CRYBG3: variants seen among roughly 807,000 people sequenced by gnomAD.
CRYBG3 encodes crystallin beta-gamma domain containing 3.
Under a neutral mutation model 244.2 loss-of-function variants are expected in CRYBG3, and 127 were observed. That is an observed-to-expected ratio of 0.52 (90% CI 0.45 to 0.60). The LOEUF is 0.60. Ranked by LOEUF, CRYBG3 falls within the 20% of genes least tolerant of loss-of-function variation. The pLI, the probability that CRYBG3 is intolerant of heterozygous loss-of-function variation, is 0.00. For synonymous variants in CRYBG3, 1,132 were observed against 1,195.8 expected, an observed-to-expected ratio of 0.95 and a Z score of 1.10; for missense variants, 3,325 against 3,442.5, an observed-to-expected ratio of 0.97 and a Z score of 0.85.
intron 2 of CRYBG3, among the ~76,000 whole-genome samples, chr3:97,860,076 C>G (rs1234660901): frequency 6.6e-6 from 1 of 152,100 alleles, no homozygotes; most frequent in Non-Finnish European, 1.5e-5. Flanking sequence ...AAAGGTTTCC[C>G]ATCTACTTAT....
In CRYBG3 at chr3:97,924,476, A is replaced by C. The variant is rs2040017769; in HGVS notation, c.8241+8740A>C. The C allele has an allele frequency of 2.5e-5, 11 of 431,458 alleles. 1 individual carries two copies. The highest frequency in any genetic ancestry group is 1.9e-4 in the South Asian group (11 of 59,326). 26.7% of individuals were successfully genotyped at this position (431,458 alleles called of 1,614,324 possible). ...CAAATTACTGTAAACTTAGTAGCTT[A>C]AGATGACAGATATTTACAGTCTTGC... is the stretch of plus-strand genomic sequence containing the variant. On this transcript the variant is annotated intron_variant, in intron 17 of 21. Transcript: ENST00000389622.
At chr3:97,883,861 G>A (rs12633781) in intron 7 of CRYBG3, among the ~76,000 whole-genome samples, 68,708 of 151,940 alleles carry the variant, frequency 0.45, 16,513 homozygotes, top group East Asian at 0.67. Context: ...TTTCCATGAC[G>A]GATTCACTTC....
At chr3:97,868,147 G>A (rs547920303) in intron 3 of CRYBG3, among the ~76,000 whole-genome samples, 3 of 152,146 alleles carry the variant, frequency 2.0e-5, no homozygotes, top group South Asian at 2.1e-4. Flanking sequence ...AGCCAGGCAC[G>A]GTGGTGGGTG....
At position 97,875,605 on chromosome 3, in the gene CRYBG3, A is replaced by G; in HGVS notation, c.4411A>G (p.Thr1471Ala). 8.1e-7 allele frequency: 1 copy of G among 1,235,390 alleles called. No homozygotes were observed. Among genetic ancestry groups the G allele is most frequent in the Non-Finnish European group, 1.0e-6 (1 of 990,464 alleles). The allele number at this position is 1,235,390 out of a possible 1,614,324, so 76.5% of individuals were successfully genotyped here. Residue 1471 changes from threonine to alanine, a missense_variant, in exon 4 of 22, where the codon ACT (threonine) becomes GCT (alanine). Coordinates refer to ENST00000389622, the MANE Select transcript of CRYBG3 (RefSeq NM_153605.4). ...CAAAACTGAGACAGAGGACAGAAGA[A>G]CTCTTGTATTAAATTTCAAATGGCC... is the stretch of plus-strand genomic sequence containing the variant. ...NNKTETEDRRTLVLNFKWPPL... is the reference protein window; with the variant it reads ...NNKTETEDRRALVLNFKWPPL...
At position 97,873,142 on chromosome 3, in the gene CRYBG3, C is replaced by G; in HGVS notation, c.1948C>G (p.Leu650Val). ...KTSLSLDCKK[L>V]NFSISPPTFV... ...ATCTCTTAGCCTTGACTGTAAAAAACTAAATTTCAGTATTTCACCTCCTAC... is the reference window on the plus strand; with the variant it reads ...ATCTCTTAGCCTTGACTGTAAAAAAGTAAATTTCAGTATTTCACCTCCTAC... Residue 650 changes from leucine to valine, a missense_variant, in exon 4 of 22, where the codon CTA becomes GTA. This residue lies in a region of CRYBG3 where 1,526 missense variants were observed against 1,443.2 expected (regional missense o/e 1.06). Transcript: ENST00000389622. The G allele has an allele frequency of 2.0e-6, 3 of 1,535,762 alleles. No individual in the cohort carries two copies. The highest frequency in any genetic ancestry group is 2.6e-6 in the Non-Finnish European group (3 of 1,146,696).
Position 97,874,437 on chromosome 3 carries a change from T to G in CRYBG3, c.3243T>G (p.Asn1081Lys). 6.5e-7 allele frequency: 1 copy of G among 1,535,244 alleles called. No individual in the cohort carries two copies. Among genetic ancestry groups the G allele is most frequent in the Non-Finnish European group, 8.7e-7 (1 of 1,146,608 alleles). The part of the protein sequence containing the change: ...SMIVNSHKPQ[N>K]NLDSIQVTKD... ...TAGTAAATTCACATAAGCCCCAAAA[T>G]AATTTGGATTCTATACAAGTTACCA... The change falls in exon 4 of 22, where the codon AAT becomes AAG. Residue 1081 changes from asparagine (N) to lysine (K), a missense_variant. Around this residue, in one of 4 missense-constraint regions of CRYBG3, gnomAD observed 1,526 missense variants for 1,443.2 expected, o/e 1.06. Transcript: ENST00000389622.
Position 97,893,135 on chromosome 3 carries a change from G to C in CRYBG3, c.7574+142G>C, listed in dbSNP as rs536065169. ...GTAATATGGAAAGTAAAAAATATTA[G>C]TTACTTATGGTTTTCTGTGGACTCT... On this transcript the variant is annotated intron_variant, in intron 11 of 21. Coordinates refer to ENST00000389622, the MANE Select transcript of CRYBG3 (RefSeq NM_153605.4). 8.7e-6 allele frequency: 6 copies of C among 687,202 alleles called. No homozygotes were observed. In the South Asian group the frequency reaches 1.2e-4, roughly 14 times the overall value. The allele number at this position is 687,202 out of a possible 1,614,324, so 42.6% of individuals were successfully genotyped here.
At chr3:97,892,496 T>C (rs929102277) in intron 10 of CRYBG3, among the ~76,000 whole-genome samples, 2 of 152,190 alleles carry the variant, frequency 1.3e-5, no homozygotes, top group African/African-American at 4.8e-5. Context: ...AAATCATTAG[T>C]GATTTCACCA....
chr3:97,923,448 AC>A, intron 17 of CRYBG3, among the ~76,000 whole-genome samples: 1 of 152,150 alleles, frequency 6.6e-6, no homozygotes, highest in East Asian at 1.9e-4. Flanking sequence ...ATGCAGGCCA[AC>A]AAAAACTTAC....
chr3:97,828,846 T>A (rs1207530029), intron 1 of CRYBG3, among the ~76,000 whole-genome samples: 151 of 122,818 alleles, frequency 1.2e-3, no homozygotes, highest in Middle Eastern at 4.3e-3. Context: ...AAAAAAAAAA[T>A]AACAAAAACA....
At chr3:97,880,863 T>C (rs1041864955) in intron 6 of CRYBG3, among the ~76,000 whole-genome samples, 1 of 152,258 alleles carries the variant, frequency 6.6e-6, no homozygotes, top group African/African-American at 2.4e-5. Flanking sequence ...AGTATTTTTA[T>C]TTCCAAGGTA....
chr3:97,868,326 T>C (rs2039261201), intron 3 of CRYBG3, among the ~76,000 whole-genome samples: 1 of 151,534 alleles, frequency 6.6e-6, no homozygotes, highest in African/African-American at 2.4e-5. Flanking sequence ...TGGACTCAAC[T>C]ATACTCCATG....
intron 15 of CRYBG3, among the ~76,000 whole-genome samples, chr3:97,911,578 AC>A (rs1170094410): frequency 6.6e-6 from 1 of 152,092 alleles, no homozygotes. Context: ...TTCTTTCTTC[AC>A]CAGAAATCTT....
chr3:97,832,116 A>G (rs2038661927), intron 1 of CRYBG3, among the ~76,000 whole-genome samples: 2 of 152,114 alleles, frequency 1.3e-5, no homozygotes, highest in Non-Finnish European at 2.9e-5. Context: ...GATATTGTGA[A>G]AATGGCCATA....
intron 1 of CRYBG3, among the ~76,000 whole-genome samples, chr3:97,824,895 TATAAGC>T (rs2038558377): frequency 6.6e-6 from 1 of 152,206 alleles, no homozygotes. Flanking sequence ...AAGCCCAGTT[TATAAGC>T]ATACAAGGAA....
At chr3:97,920,587 T>A (rs1696306927) in intron 17 of CRYBG3, among the ~76,000 whole-genome samples, 1 of 151,952 alleles carries the variant, frequency 6.6e-6, no homozygotes, top group African/African-American at 2.4e-5. Context: ...TGGGGTGCAG[T>A]GGCACCATCT....
In CRYBG3 at chr3:97,874,880, C is replaced by A. The variant is rs1208948083; in HGVS notation, c.3686C>A (p.Ala1229Asp). ...HTVSTCQEHI[A>D]IEGIMNLGTL... is the part of the protein sequence containing the mutation. The stretch of plus-strand genomic sequence containing the variant: ...GTGAGTACCTGCCAGGAGCATATAG[C>A]CATAGAAGGTATAATGAATCTGGGT... Residue 1229 changes from alanine to aspartate, a missense_variant, in exon 4 of 22, where the codon GCC becomes GAC. Transcript: ENST00000389622. The A allele has an allele frequency of 1.3e-6, 2 of 1,534,890 alleles. No homozygotes were observed. The highest frequency in any genetic ancestry group is 2.4e-5 in the South Asian group (2 of 83,838).
At chr3:97,852,198 G>A (rs1244938081) in intron 2 of CRYBG3, among the ~76,000 whole-genome samples, 2 of 152,146 alleles carry the variant, frequency 1.3e-5, no homozygotes, top group South Asian at 2.1e-4. Flanking sequence ...GATATAGGCT[G>A]GAAATTGGAG....
chr3:97,937,141 C>T (rs912439716), intron 19 of CRYBG3, among the ~76,000 whole-genome samples: 2 of 151,992 alleles, frequency 1.3e-5, no homozygotes, highest in African/African-American at 4.8e-5. Context: ...GTTCACTTTT[C>T]GTGGAAAACT....
Sources: gnomAD v4.1 joint callset for allele counts (sites outside exome capture counted in the v4.1 genomes callset) on GRCh38, gnomAD v4.1.1 for gene constraint, gnomAD v4.1.1 regional missense constraint, MANE v1.5 for transcripts, NCBI Gene and HGNC (gene_info 2026-07-23, HGNC 2026-07-21) for gene names.